MTNR1A: variants seen among roughly 807,000 people sequenced by gnomAD.
The protein encoded by MTNR1A is melatonin receptor 1A, also known as melatonin receptor type 1A.
In MTNR1A, 7 loss-of-function variants were observed where a neutral mutation model predicts 5.5. The observed-to-expected ratio is 1.28, with a 90% CI of 0.73 to 2.40. The LOEUF is 2.40. Ranked by LOEUF, MTNR1A falls within the 30% of genes most tolerant of loss-of-function variation. The pLI is 0.00. For synonymous variants in MTNR1A, 196 were observed against 202.7 expected (o/e 0.97, Z 0.28); for missense variants, 441 against 464.4 (o/e 0.95, Z 0.46).
chr4:186,546,417 C>T (rs1376566904), intron 1 of MTNR1A, among the ~76,000 whole-genome samples: 1 of 152,024 alleles, frequency 6.6e-6, no homozygotes, highest in African/African-American at 2.4e-5. Flanking sequence ...CATCACCCCG[C>T]AATGCCCAGG....
intron 1 of MTNR1A, among the ~76,000 whole-genome samples, chr4:186,550,320 T>C (rs1737242539): frequency 6.6e-6 from 1 of 152,188 alleles, no homozygotes; most frequent in Non-Finnish European, 1.5e-5. Flanking sequence ...ATTGCCTTTT[T>C]GGTACTAGAA....
In MTNR1A at chr4:186,555,366, G is replaced by A; in HGVS notation, c.-1C>T. On this transcript the variant is annotated 5_prime_UTR_variant, in exon 1 of 2. Transcript: ENST00000307161. This position sits in a 1 kb window ranked among gnomAD's most constrained non-coding sequence, Gnocchi z 4.1. ...GCAGCGCGCTGCCGTTGCCCTGCAT[G>A]GTCCCTGTGCGCGTCCCGGCCGCGG... 4.7e-6 allele frequency: 7 copies of A among 1,490,692 alleles called. No homozygotes were observed. Among genetic ancestry groups the A allele is most frequent in the Non-Finnish European group, 5.4e-6 (6 of 1,120,160 alleles). 92.3% of individuals were successfully genotyped at this position (1,490,692 alleles called of 1,614,324 possible).
intron 1 of MTNR1A, among the ~76,000 whole-genome samples, chr4:186,545,680 C>A (rs1195560278): frequency 6.6e-6 from 1 of 152,154 alleles, no homozygotes; most frequent in Non-Finnish European, 1.5e-5. Flanking sequence ...AGATTAGAGG[C>A]CCCCTGAATA....
rs1560899908 is a variant in MTNR1A at position 186,555,148 on chromosome 4, AGCGCTGGCCC to A, written c.184+24_184+33del. The A allele has an allele frequency of 2.5e-6, 4 of 1,572,900 alleles. No individual in the cohort carries two copies. Among genetic ancestry groups the A allele is most frequent in the Non-Finnish European group, 3.5e-6 (4 of 1,158,928 alleles). ...GCCCGCGGAGAGGCGCTGCGTCCGG[AGCGCTGGCCC>A]AGGGGAGGCGGCGCGGGCCCTACCT... On this transcript the variant is annotated intron_variant, in intron 1 of 1. Coordinates refer to ENST00000307161, the MANE Select transcript of MTNR1A (RefSeq NM_005958.4). The surrounding 1 kb of genome is among the most constrained non-coding windows in gnomAD (Gnocchi z 4.1).
chr4:186,549,883 A>G (rs190388938), intron 1 of MTNR1A, among the ~76,000 whole-genome samples: 77 of 152,300 alleles, frequency 5.1e-4, no homozygotes, highest in Non-Finnish European at 7.9e-4. Flanking sequence ...AATAAGCACC[A>G]AAACTACTCA....
At chr4:186,536,265 G>A (rs1736847027) in intron 1 of MTNR1A, among the ~76,000 whole-genome samples, 1 of 151,756 alleles carries the variant, frequency 6.6e-6, no homozygotes, top group African/African-American at 2.4e-5. Flanking sequence ...AGAATTGCTT[G>A]AACCTGGGAG....
In MTNR1A at chr4:186,534,492, C is replaced by A; in HGVS notation, c.250G>T (p.Val84Leu). 1 of 1,614,092 alleles carries A rather than the reference C, an allele frequency of 6.2e-7. No homozygotes were observed. The highest frequency in any genetic ancestry group is 2.2e-5 in the East Asian group (1 of 44,882). ...CCGTTGTTAAATATCGACATCAGCA[C>A]CAACGGGTACGGATAAATGGCCACC... The part of the protein sequence containing the change: ...LVVAIYPYPL[V>L]LMSIFNNGWN... Residue 84 changes from valine to leucine, a missense_variant, in exon 2 of 2, where the codon GTG (valine) becomes TTG (leucine). Transcript: ENST00000307161.
rs1737214220 is a variant in MTNR1A, at chr4:186,548,976, T to TA, written c.184+6205dup. Among the ~76,000 whole-genome samples the TA allele has an allele frequency of 2.7e-5, 4 of 150,346 alleles. No homozygotes were observed. The South Asian group carries it at 8.4e-4, about 32-fold the overall frequency. On this transcript the variant is annotated intron_variant, in intron 1 of 1. Coordinates refer to ENST00000307161, the MANE Select transcript of MTNR1A (RefSeq NM_005958.4). ...ATTCAGAGGGAACAACGAAAGGAGC[T>TA]AAAAAAGATAAGTAAATAATAAAAG...
intron 1 of MTNR1A, among the ~76,000 whole-genome samples, chr4:186,541,721 T>A (rs1387123417): frequency 6.6e-6 from 1 of 152,192 alleles, no homozygotes; most frequent in African/African-American, 2.4e-5. Context: ...TACACCCTCC[T>A]TATGAGAATC....
chr4:186,534,305 C>CAGA lies in MTNR1A; in HGVS notation c.434_436dup (p.Leu145_Cys146insPhe). 6.2e-7 allele frequency: 1 copy of CAGA among 1,614,148 alleles called. No individual in the cohort carries two copies. The highest frequency in any genetic ancestry group is 2.2e-5 in the East Asian group (1 of 44,864). On this transcript the variant is annotated inframe_insertion, in exon 2 of 2. Coordinates refer to ENST00000307161, the MANE Select transcript of MTNR1A (RefSeq NM_005958.4). ...CAGGAGCCATATGAGGAGCACGTAG[C>CAGA]AGAGGGAGTTCTTGCTGCTGTACAG...
rs770753400 is a variant in MTNR1A, at chr4:186,552,603, G to T, written c.184+2579C>A. Among the ~76,000 whole-genome samples the T allele has an allele frequency of 2.7e-4, 41 of 152,280 alleles. 1 individual carries two copies. The highest frequency in any genetic ancestry group is 4.6e-4 in the Admixed American group (7 of 15,294). ...CAAACAAGCCAACACAGTATTACGT[G>T]TTTTATCCTTTTCAAAGTATTCTCA... On this transcript the variant is annotated intron_variant, in intron 1 of 1. Coordinates refer to ENST00000307161, the MANE Select transcript of MTNR1A (RefSeq NM_005958.4).
At chr4:186,548,536 T>G (rs1737202315) in intron 1 of MTNR1A, among the ~76,000 whole-genome samples, 1 of 152,024 alleles carries the variant, frequency 6.6e-6, no homozygotes, top group Non-Finnish European at 1.5e-5. Context: ...GAATTTATTC[T>G]GCTGCTGGGA....
chr4:186,534,167 A>G lies in MTNR1A; in HGVS notation c.575T>C (p.Val192Ala). The change falls in exon 2 of 2, where the codon GTG becomes GCG. Residue 192 changes from valine (V) to alanine (A), a missense_variant. Val to Ala is a moderately conservative substitution (Grantham distance 64, BLOSUM62 0). Transcript: ENST00000307161. ...CATGGGGACGAGGAAGTGGAAAACC[A>G]CCACGGCGATGGTGTAGGCGGAGCT... ...SVSSAYTIAV[V>A]VFHFLVPMII... 1 of 1,613,476 alleles carries G rather than the reference A, an allele frequency of 6.2e-7. No homozygotes were observed. Among genetic ancestry groups the G allele is most frequent in the East Asian group, 2.2e-5 (1 of 44,860 alleles).
intron 1 of MTNR1A, among the ~76,000 whole-genome samples, chr4:186,554,443 C>G (rs1737329579): frequency 6.6e-6 from 1 of 152,170 alleles, no homozygotes; most frequent in African/African-American, 2.4e-5. Context: ...ACTCAGAGGT[C>G]TGAACATCCA....
Position 186,533,774 on chromosome 4 carries a change from C to T in MTNR1A, c.968G>A (p.Ser323Asn). ...LCTARVFFVD[S>N]SNDVADRVKW... ...AACCCTATCGGCCACGTCGTTAGAG[C>T]TGTCCACAAAGAACACCCTGGCTGT... The change falls in exon 2 of 2, where the codon AGC becomes AAC. Residue 323 changes from serine to asparagine, a missense_variant. Coordinates refer to ENST00000307161, the MANE Select transcript of MTNR1A (RefSeq NM_005958.4). 6.2e-7 allele frequency: 1 copy of T among 1,614,200 alleles called. No individual in the cohort carries two copies. The highest frequency in any genetic ancestry group is 8.5e-7 in the Non-Finnish European group (1 of 1,180,030).
chr4:186,555,336 G>C lies in MTNR1A; in HGVS notation c.30C>G (p.Asn10Lys). 6.5e-7 allele frequency: 1 copy of C among 1,543,366 alleles called. No homozygotes were observed. The highest frequency in any genetic ancestry group is 1.2e-5 in the South Asian group (1 of 83,554). The change falls in exon 1 of 2, where the codon AAC becomes AAG. Residue 10 changes from asparagine (N) to lysine (K), a missense_variant. Coordinates refer to ENST00000307161, the MANE Select transcript of MTNR1A (RefSeq NM_005958.4). The surrounding 1 kb of genome is among the most constrained non-coding windows in gnomAD (Gnocchi z 4.1). ...CCCCGCGGAGCACGGGCTGGGAGGC[G>C]TTGGGCAGCGCGCTGCCGTTGCCCT... MQGNGSALP[N>K]ASQPVLRGDG...
chr4:186,534,297 G>A lies in MTNR1A; in HGVS notation c.445C>T (p.Leu149Phe), dbSNP rs1327731302. The A allele has an allele frequency of 2.5e-6, 4 of 1,614,204 alleles. No homozygotes were observed. The highest frequency in any genetic ancestry group is 1.7e-5 in the Admixed American group (1 of 60,028). ...GCCAGCGTCAGGAGCCATATGAGGA[G>A]CACGTAGCAGAGGGAGTTCTTGCTG... ...YSSKNSLCYVLLIWLLTLAAV... is the reference protein window; with the variant it reads ...YSSKNSLCYVFLIWLLTLAAV... Residue 149 changes from leucine to phenylalanine, a missense_variant, in exon 2 of 2, where the codon CTC becomes TTC. Leu to Phe is a conservative substitution (Grantham distance 22). Coordinates refer to ENST00000307161, the MANE Select transcript of MTNR1A (RefSeq NM_005958.4).
chr4:186,535,318 C>T (rs1426829281), intron 1 of MTNR1A, among the ~76,000 whole-genome samples: 3 of 151,918 alleles, frequency 2.0e-5, no homozygotes, highest in South Asian at 2.1e-4. Context: ...AAAGAACTTA[C>T]GTTACAAAAC....
intron 1 of MTNR1A, among the ~76,000 whole-genome samples, chr4:186,545,879 GGA>G (rs1737127454): frequency 6.6e-6 from 1 of 152,060 alleles, no homozygotes; most frequent in Non-Finnish European, 1.5e-5. Flanking sequence ...GCAGTACAAG[GGA>G]AAGGGAAGGG....
Sources: allele counts gnomAD v4.1 joint callset (sites outside exome capture counted in the v4.1 genomes callset), GRCh38; gene constraint gnomAD v4.1.1; non-coding constraint Gnocchi (gnomAD v3.1); transcripts MANE v1.5; gene names NCBI Gene and HGNC (gene_info 2026-07-23, HGNC 2026-07-21).